Variants in CALN1 observed in about 807,000 individuals in gnomAD.
CALN1 encodes calneuron 1, also known as calcium-binding protein 8.
Under a neutral mutation model 30.6 loss-of-function variants are expected in CALN1, and 17 were observed. That is an observed-to-expected ratio of 0.56 (90% CI 0.38 to 0.83). The LOEUF (loss-of-function observed/expected upper bound fraction) is 0.83. CALN1 is among the 40% of genes least tolerant of loss of function. CALN1 has a pLI of 0.00. For synonymous variants in CALN1, 156 were observed against 131.4 expected (o/e 1.19, Z -1.28); for missense variants, 291 against 354.9 (o/e 0.82, Z 1.45).
chr7:72,146,168 G>C (rs1193781958), intron 3 of CALN1, among the ~76,000 whole-genome samples: 3 of 152,208 alleles, frequency 2.0e-5, no homozygotes, highest in East Asian at 3.8e-4. Context: ...ATTAGGAAAA[G>C]AGGAAGTCAA....
At position 72,273,562 on chromosome 7, in the gene CALN1, A is replaced by C. The variant is rs140956210; in HGVS notation, c.244+5124T>G. ...GGGTCTTTCTTTCTCACCAAGGCTC[A>C]AGTGCAAGTGCAGTAGTACAATCAT... On this transcript the variant is annotated intron_variant, in intron 3 of 6. Coordinates refer to ENST00000395275, the MANE Select transcript of CALN1 (RefSeq NM_031468.4). Among the ~76,000 whole-genome samples, 683 of 146,838 alleles carry C rather than the reference A, an allele frequency of 4.7e-3. 4 individuals carry two copies. Among genetic ancestry groups the C allele is most frequent in the African/African-American group, 0.015 (615 of 40,008 alleles).
chr7:72,311,313 T>C (rs1800029671), intron 2 of CALN1, among the ~76,000 whole-genome samples: 2 of 152,180 alleles, frequency 1.3e-5, no homozygotes, highest in Non-Finnish European at 2.9e-5. Flanking sequence ...ATACACAAAA[T>C]ATGTGTTAAT....
At chr7:72,325,363 G>T (rs1002711794) in intron 2 of CALN1, among the ~76,000 whole-genome samples, 1 of 152,140 alleles carries the variant, frequency 6.6e-6, no homozygotes, top group African/African-American at 2.4e-5. Flanking sequence ...CACTTTGGGA[G>T]GCCAAGGTGG....
intron 1 of CALN1, among the ~76,000 whole-genome samples, chr7:72,436,366 C>T (rs558594069): frequency 6.6e-6 from 1 of 152,312 alleles, no homozygotes; most frequent in East Asian, 1.9e-4. Context: ...CTCTTGTCTG[C>T]TACCATGTAA....
At chr7:72,002,755 G>A (rs533891276) in intron 5 of CALN1, among the ~76,000 whole-genome samples, 1 of 152,260 alleles carries the variant, frequency 6.6e-6, no homozygotes, top group South Asian at 2.1e-4. Context: ...TGTCATCTCT[G>A]ACAATATGGA....
Position 71,942,059 on chromosome 7 carries a change from C to T in CALN1, c.501+81598G>A, listed in dbSNP as rs1399278475. Reference sequence around the variant, plus strand: ...ACTAAAAATACAAAAAGTAGCCGGGCGTGGTGGTGCACACCTGTAGTCCCA... The same window carrying T: ...ACTAAAAATACAAAAAGTAGCCGGGTGTGGTGGTGCACACCTGTAGTCCCA... On this transcript the variant is annotated intron_variant, in intron 5 of 6. Transcript: ENST00000395275. Among the ~76,000 whole-genome samples the T allele has an allele frequency of 3.3e-5, 5 of 152,028 alleles. No individual in the cohort carries two copies. In the South Asian group the frequency reaches 6.2e-4, roughly 19 times the overall value.
At position 72,192,583 on chromosome 7, in the gene CALN1, C is replaced by G. The variant is rs151036369; in HGVS notation, c.244+86103G>C. On this transcript the variant is annotated intron_variant, in intron 3 of 6. Transcript: ENST00000395275. ...GAGCAGGGGCAGACTGGTTTTAGGA[C>G]CCGCTAAAATACCCTAGGCAACATT... 3.6e-3 allele frequency among the ~76,000 whole-genome samples: 541 copies of G among 151,960 alleles called. 5 individuals carry two copies. Among genetic ancestry groups the G allele is most frequent in the African/African-American group, 0.01 (419 of 41,456 alleles).
chr7:71,898,781 C>T (rs1425936980), intron 5 of CALN1, among the ~76,000 whole-genome samples: 1 of 152,184 alleles, frequency 6.6e-6, no homozygotes, highest in Non-Finnish European at 1.5e-5. Flanking sequence ...TGATGGCTGA[C>T]AGATTGCCCT....
intron 5 of CALN1, among the ~76,000 whole-genome samples, chr7:71,993,950 T>G (rs1045533196): frequency 6.6e-6 from 1 of 152,182 alleles, no homozygotes; most frequent in East Asian, 1.9e-4. Flanking sequence ...AAATGTTGAA[T>G]TATACGACTG....
intron 4 of CALN1, among the ~76,000 whole-genome samples, chr7:72,027,836 T>A (rs1193927621): frequency 1.3e-5 from 2 of 150,286 alleles, no homozygotes; most frequent in Non-Finnish European, 3.0e-5. Context: ...GGTGGGCGGA[T>A]CACGAGGTCA....
the CALN1 span, among the ~76,000 whole-genome samples, chr7:72,453,153 C>T: frequency 2.0e-5 from 3 of 152,160 alleles, no homozygotes; most frequent in Non-Finnish European, 4.4e-5. Context: ...GGCAGGTGAA[C>T]CCCAAAATTG....
rs987190314 is a variant in CALN1 at position 72,188,194 on chromosome 7, T to C, written c.245-81900A>G. Reference sequence around the variant, plus strand: ...ACACGCATGTTTACAGCAGCACGATTTGCAATTACAAAAATGTGGAACCAG... The same window carrying C: ...ACACGCATGTTTACAGCAGCACGATCTGCAATTACAAAAATGTGGAACCAG... On this transcript the variant is annotated intron_variant, in intron 3 of 6. Transcript: ENST00000395275. 2.1e-5 allele frequency among the ~76,000 whole-genome samples: 3 copies of C among 142,558 alleles called. No homozygotes were observed. In the East Asian group the frequency reaches 5.8e-4, roughly 27 times the overall value. 93.5% of individuals were successfully genotyped at this position (142,558 alleles called of 152,430 possible).
intron 5 of CALN1, among the ~76,000 whole-genome samples, chr7:71,900,008 G>T (rs574991094): frequency 6.6e-6 from 1 of 152,010 alleles, no homozygotes; most frequent in African/African-American, 2.4e-5. Flanking sequence ...TAAAACCCAC[G>T]GAGTAAATAA....
intron 5 of CALN1, among the ~76,000 whole-genome samples, chr7:71,820,640 T>C (rs932527000): frequency 6.6e-6 from 1 of 152,238 alleles, no homozygotes; most frequent in African/African-American, 2.4e-5. Context: ...GGTATATACC[T>C]AGAAGCAGAA....
rs545535153 is a variant in CALN1 at position 72,188,027 on chromosome 7, A to G, written c.245-81733T>C. ...AAACACTTCTACACTGCTGGTGGGA[A>G]TGTAAACTAGGACGGCCACTATGGA... On this transcript the variant is annotated intron_variant, in intron 3 of 6. Coordinates refer to ENST00000395275, the MANE Select transcript of CALN1 (RefSeq NM_031468.4). 2.0e-5 allele frequency among the ~76,000 whole-genome samples: 3 copies of G among 152,294 alleles called. No individual in the cohort carries two copies. The South Asian group carries it at 6.2e-4, about 32-fold the overall frequency.
At chr7:71,807,846 T>C (rs1458180571) in intron 6 of CALN1, among the ~76,000 whole-genome samples, 3 of 151,990 alleles carry the variant, frequency 2.0e-5, no homozygotes, top group Admixed American at 2.0e-4. Context: ...GAGGCCGAGG[T>C]GGGCGGATTA....
At chr7:72,414,154 A>G (rs1243585259), upstream of CALN1, among the ~76,000 whole-genome samples, 1 of 152,142 alleles carries the variant, frequency 6.6e-6, no homozygotes, top group Non-Finnish European at 1.5e-5. Context: ...CCGTGGGAAG[A>G]TCCAGGATCC....
intron 5 of CALN1, among the ~76,000 whole-genome samples, chr7:71,830,859 AT>A (rs1353756581): frequency 2.6e-5 from 4 of 152,136 alleles, no homozygotes; most frequent in African/African-American, 4.8e-5. Flanking sequence ...ACACATCTTC[AT>A]TTTGCTGTGG....
At chr7:72,152,103 A>C (rs764673236) in intron 3 of CALN1, among the ~76,000 whole-genome samples, 2 of 151,628 alleles carry the variant, frequency 1.3e-5, no homozygotes, top group Non-Finnish European at 2.9e-5. Context: ...ATGGGGTTTC[A>C]CCATGTTGGC....
Sources: allele counts gnomAD v4.1 joint callset (sites outside exome capture counted in the v4.1 genomes callset), GRCh38; gene constraint gnomAD v4.1.1; transcripts MANE v1.5; gene names NCBI Gene and HGNC (gene_info 2026-07-23, HGNC 2026-07-21).